Variants in PCDHA11 observed in about 807,000 individuals in gnomAD.
PCDHA11 encodes the protein protocadherin alpha-11.
A neutral mutation model predicts 70.3 loss-of-function variants in PCDHA11; 61 were observed. The observed-to-expected ratio is 0.87, with a 90% CI of 0.71 to 1.07. PCDHA11 has a LOEUF of 1.07. PCDHA11 is among the 50% of genes least tolerant of loss of function. The pLI, the probability that PCDHA11 is intolerant of heterozygous loss-of-function variation, is 0.00. For missense variants in PCDHA11, 1,324 were observed against 1,237.5 expected, an observed-to-expected ratio of 1.07 and a Z score of -1.05; for synonymous variants, 633 against 555.1, an observed-to-expected ratio of 1.14 and a Z score of -1.97.
intron 1 of PCDHA11, chr5:140,876,840 G>C: frequency 6.2e-7 from 1 of 1,614,166 alleles, no homozygotes; most frequent in Non-Finnish European, 8.5e-7. Flanking sequence ...CTGCGTTCGC[G>C]CAGCCCGAGT....
chr5:140,870,167 C>G lies in PCDHA11; in HGVS notation c.1064C>G (p.Ser355Cys). 1 of 1,614,134 alleles carries G rather than the reference C, an allele frequency of 6.2e-7. No individual in the cohort carries two copies. Among genetic ancestry groups the G allele is most frequent in the Non-Finnish European group, 8.5e-7 (1 of 1,180,034 alleles). The part of the protein sequence containing the change: ...NSPEVAVTSL[S>C]LPVREDAQPS... ...CCTGAAGTCGCCGTGACTTCCTTGT[C>G]CCTCCCAGTACGAGAGGACGCTCAG... The change falls in exon 1 of 4, where the codon TCC becomes TGC. Residue 355 changes from serine (S) to cysteine (C), a missense_variant. Ser to Cys is a moderately radical substitution (Grantham distance 112). Transcript: ENST00000398640.
chr5:140,887,306 C>G (rs2061398552), intron 1 of PCDHA11, among the ~76,000 whole-genome samples: 1 of 152,096 alleles, frequency 6.6e-6, no homozygotes. Flanking sequence ...TCTTGTTAGC[C>G]AGGATAGTCT....
At position 140,943,090 on chromosome 5, in the gene PCDHA11, C is replaced by A. The variant is rs554425182; in HGVS notation, c.2392-35859C>A. On this transcript the variant is annotated intron_variant, in intron 1 of 3. Coordinates refer to ENST00000398640, the MANE Select transcript of PCDHA11 (RefSeq NM_018902.5). The stretch of plus-strand genomic sequence containing the variant: ...TGACCAACATGGTGAAATCCTGCCT[C>A]TACTAAAAAATACAAAAATTAGCCA... Among the ~76,000 whole-genome samples the A allele has an allele frequency of 1.8e-4, 27 of 151,656 alleles. No homozygotes were observed. The South Asian group carries it at 2.5e-3, about 14-fold the overall frequency.
intron 1 of PCDHA11, among the ~76,000 whole-genome samples, chr5:140,902,482 C>T (rs1554190466): frequency 1.3e-5 from 2 of 152,086 alleles, no homozygotes; most frequent in Non-Finnish European, 2.9e-5. Context: ...TTTGCCTGCT[C>T]AGTATGATAC....
intron 1 of PCDHA11, among the ~76,000 whole-genome samples, chr5:140,885,454 C>T (rs2060601415): frequency 6.6e-6 from 1 of 152,054 alleles, no homozygotes; most frequent in Admixed American, 6.5e-5. Flanking sequence ...TATTATTTAC[C>T]TAATGATGGG....
intron 3 of PCDHA11, among the ~76,000 whole-genome samples, chr5:140,985,992 G>A (rs1173402846): frequency 3.3e-5 from 5 of 152,068 alleles, no homozygotes; most frequent in African/African-American, 4.8e-5. Context: ...GCCCACCTCA[G>A]CCTCCCAAAG....
chr5:140,900,187 T>C (rs529700623), intron 1 of PCDHA11, among the ~76,000 whole-genome samples: 1 of 152,346 alleles, frequency 6.6e-6, no homozygotes, highest in Non-Finnish European at 1.5e-5. Context: ...ATGTCACTTA[T>C]AATGACATCC....
chr5:140,933,900 G>T (rs941556210), intron 1 of PCDHA11, among the ~76,000 whole-genome samples: 1 of 151,518 alleles, frequency 6.6e-6, no homozygotes, highest in South Asian at 2.1e-4. Flanking sequence ...GAATATTTTG[G>T]CATAAAGTTG....
intron 1 of PCDHA11, chr5:140,968,416 G>A: frequency 1.2e-6 from 2 of 1,613,992 alleles, no homozygotes; most frequent in Non-Finnish European, 1.7e-6. Context: ...TGACTGTGGA[G>A]GCTCAGGACA....
chr5:140,968,744 G>A (rs782484391), intron 1 of PCDHA11: 20 of 1,614,164 alleles, frequency 1.2e-5, no homozygotes, highest in East Asian at 2.2e-5. Context: ...CAACCTGACC[G>A]TGGTGGTCCG....
At chr5:140,992,187 G>C (rs1395618041) in intron 3 of PCDHA11, among the ~76,000 whole-genome samples, 1 of 152,118 alleles carries the variant, frequency 6.6e-6, no homozygotes, top group Non-Finnish European at 1.5e-5. Flanking sequence ...CATGCTTTCA[G>C]TGATCTATCC....
At chr5:140,974,320 CT>C (rs2096622624) in intron 1 of PCDHA11, among the ~76,000 whole-genome samples, 1 of 152,206 alleles carries the variant, frequency 6.6e-6, no homozygotes, top group Non-Finnish European at 1.5e-5. Context: ...GAGAGAGTAG[CT>C]GCTGTGCTAG....
intron 1 of PCDHA11, among the ~76,000 whole-genome samples, chr5:140,972,168 G>T (rs969968770): frequency 2.6e-5 from 4 of 152,064 alleles, no homozygotes; most frequent in African/African-American, 9.7e-5. Context: ...TTGAGACAGA[G>T]TCTTGGCCTG....
intron 1 of PCDHA11, among the ~76,000 whole-genome samples, chr5:140,878,596 G>A (rs1352519824): frequency 6.6e-6 from 1 of 152,144 alleles, no homozygotes; most frequent in South Asian, 2.1e-4. Context: ...CTATTACCAA[G>A]TGAATCTTCT....
intron 1 of PCDHA11, among the ~76,000 whole-genome samples, chr5:140,970,860 C>T (rs2096438853): frequency 6.6e-6 from 1 of 152,054 alleles, no homozygotes; most frequent in Non-Finnish European, 1.5e-5. Context: ...AAGTTCCATT[C>T]CTGATTGAGA....
Position 140,966,822 on chromosome 5 carries a change from C to A in PCDHA11, c.2392-12127C>A, listed in dbSNP as rs1329460642. 9 of 1,558,948 alleles carry A rather than the reference C, an allele frequency of 5.8e-6. No individual in the cohort carries two copies. In the Admixed American group the frequency reaches 7.5e-5, roughly 13 times the overall value. On this transcript the variant is annotated intron_variant, in intron 1 of 3. Transcript: ENST00000398640. ...ACAGAGCATCCACGGCTCCGGCGGC[C>A]CATGCCCTGGCTGCTGCTACTGCCT... is the stretch of plus-strand genomic sequence containing the variant.
rs1243853436 is a variant in PCDHA11, at chr5:140,900,308, A to G, written c.2391+28814A>G. ...CTTTTCTGTTTTTTTAGACAGTCTC[A>G]CTTTTGTCGCCCAGGCTGGAGTACC... On this transcript the variant is annotated intron_variant, in intron 1 of 3. Transcript: ENST00000398640. 1.3e-4 allele frequency among the ~76,000 whole-genome samples: 19 copies of G among 149,982 alleles called. No individual in the cohort carries two copies. The East Asian group carries it at 3.9e-3, about 31-fold the overall frequency.
At chr5:140,947,153 C>T (rs1306730368) in intron 1 of PCDHA11, among the ~76,000 whole-genome samples, 4 of 150,836 alleles carry the variant, frequency 2.7e-5, no homozygotes, top group African/African-American at 4.9e-5. Context: ...GTTACTTCCA[C>T]GGGGTAGAAA....
At chr5:140,882,566 G>C in intron 1 of PCDHA11, 2 of 1,614,252 alleles carry the variant, frequency 1.2e-6, no homozygotes, top group Non-Finnish European at 8.5e-7. Flanking sequence ...TGGGCGGAGC[G>C]CGGAGTGCAG....
Sources: gnomAD v4.1 joint callset for allele counts (sites outside exome capture counted in the v4.1 genomes callset) on GRCh38, gnomAD v4.1.1 for gene constraint, MANE v1.5 for transcripts, NCBI Gene and HGNC (gene_info 2026-07-23, HGNC 2026-07-21) for gene names.